The following SBF2 variants were observed in gnomAD, a reference collection of about 807,000 sequenced individuals.
SBF2 encodes the protein myotubularin-related protein 13.
Under a neutral mutation model 225.2 loss-of-function variants are expected in SBF2, and 112 were observed. That is an observed-to-expected ratio of 0.50 (90% CI 0.43 to 0.58). The LOEUF is 0.58. Ranked by LOEUF, SBF2 falls within the 20% of genes least tolerant of loss-of-function variation. SBF2 has a pLI of 0.00. For missense variants in SBF2, 1,996 were observed against 2,206.2 expected, an observed-to-expected ratio of 0.90 and a Z score of 1.91; for synonymous variants, 763 against 773.3, an observed-to-expected ratio of 0.99 and a Z score of 0.22.
chr11:10,038,597 T>C (rs1345287322), intron 3 of SBF2, among the ~76,000 whole-genome samples: 1 of 151,976 alleles, frequency 6.6e-6, no homozygotes. Context: ...TGGAATGGTT[T>C]TGTACTTAAG....
intron 17 of SBF2, among the ~76,000 whole-genome samples, chr11:9,879,398 G>T (rs773882843): frequency 9.2e-5 from 14 of 151,804 alleles, no homozygotes; most frequent in Admixed American, 2.0e-4. Flanking sequence ...CCTATCTTCA[G>T]GCTACAAAGT....
intron 26 of SBF2, among the ~76,000 whole-genome samples, chr11:9,835,860 T>C (rs1001221038): frequency 2.6e-5 from 4 of 152,098 alleles, no homozygotes; most frequent in Non-Finnish European, 5.9e-5. Context: ...TTATCTATTC[T>C]CTTGTTGATT....
At chr11:9,967,971 C>CTCTCTATATATATATA (rs1260685462) in intron 14 of SBF2, among the ~76,000 whole-genome samples, 3 of 91,506 alleles carry the variant, frequency 3.3e-5, no homozygotes, top group African/African-American at 1.1e-4. Flanking sequence ...CTCTCTCTCT[C>CTCTCTATATATATATA]TATATATATA....
intron 2 of SBF2, among the ~76,000 whole-genome samples, chr11:10,050,083 A>G (rs190230900): frequency 6.6e-6 from 1 of 152,336 alleles, no homozygotes; most frequent in Non-Finnish European, 1.5e-5. Context: ...TTCTCATAGA[A>G]GTCTGTCATT....
intron 17 of SBF2, among the ~76,000 whole-genome samples, chr11:9,888,421 T>A (rs933407054): frequency 1.6e-4 from 25 of 151,762 alleles, no homozygotes; most frequent in African/African-American, 6.1e-4. Flanking sequence ...GGAGGATTGC[T>A]TAAGCCCAGG....
intron 17 of SBF2, among the ~76,000 whole-genome samples, chr11:9,884,796 A>C (rs1442998834): frequency 1.3e-5 from 2 of 152,146 alleles, no homozygotes; most frequent in Non-Finnish European, 2.9e-5. Context: ...TAAATTAGTC[A>C]CTCTTCTCCA....
At chr11:10,069,117 T>A (rs1950749926) in intron 2 of SBF2, among the ~76,000 whole-genome samples, 1 of 152,176 alleles carries the variant, frequency 6.6e-6, no homozygotes, top group African/African-American at 2.4e-5. Context: ...TTACCCTTAT[T>A]TAGATACACT....
Position 9,842,774 on chromosome 11 carries a change from C to A in SBF2, c.3111-4G>T. On this transcript the variant is annotated splice_polypyrimidine_tract_variant and splice_region_variant and intron_variant, in intron 24 of 39. Transcript: ENST00000256190. ...CACAATTGTTTTTGAGAAGGTACTA[C>A]AAGTCATAAAACCAAAGAGAATGTC... The A allele has an allele frequency of 6.2e-7, 1 of 1,613,996 alleles. No homozygotes were observed. The highest frequency in any genetic ancestry group is 1.1e-5 in the South Asian group (1 of 91,074).
At chr11:10,281,400 G>A (rs934289588) in intron 1 of SBF2, among the ~76,000 whole-genome samples, 22 of 152,144 alleles carry the variant, frequency 1.4e-4, no homozygotes, top group African/African-American at 5.3e-4. Context: ...ACACTTATAG[G>A]ATACTGCATT....
At chr11:10,105,523 G>C (rs1300194639) in intron 2 of SBF2, among the ~76,000 whole-genome samples, 1 of 152,138 alleles carries the variant, frequency 6.6e-6, no homozygotes, top group Non-Finnish European at 1.5e-5. Flanking sequence ...TGTAAACATG[G>C]TATCACTACA....
intron 17 of SBF2, among the ~76,000 whole-genome samples, chr11:9,882,618 C>T (rs895721262): frequency 4.6e-5 from 7 of 151,950 alleles, no homozygotes; most frequent in Non-Finnish European, 1.0e-4. Context: ...ACCATCCTGG[C>T]TAACACGGTG....
chr11:10,068,428 G>A (rs1261654217), intron 2 of SBF2, among the ~76,000 whole-genome samples: 2 of 152,222 alleles, frequency 1.3e-5, no homozygotes, highest in African/African-American at 4.8e-5. Flanking sequence ...TAGAAATACT[G>A]TTTTCCTATT....
rs116432052 is a variant in SBF2, at chr11:9,792,901, C to T, written c.4571-2218G>A. Among the ~76,000 whole-genome samples the T allele has an allele frequency of 7.3e-3, 1,098 of 150,388 alleles. 13 individuals are homozygous for T. Among genetic ancestry groups the T allele is most frequent in the African/African-American group, 0.025 (1,035 of 40,924 alleles). On this transcript the variant is annotated intron_variant, in intron 33 of 39. Coordinates refer to ENST00000256190, the MANE Select transcript of SBF2 (RefSeq NM_030962.4). The stretch of plus-strand genomic sequence containing the variant: ...CTGAACAGCTGCAACTACAGGAGTG[C>T]GCCACCACACCCAGCTAATTTGTGT...
intron 38 of SBF2, among the ~76,000 whole-genome samples, chr11:9,784,047 AG>A (rs1353411400): frequency 6.6e-6 from 1 of 152,176 alleles, no homozygotes; most frequent in East Asian, 1.9e-4. Context: ...CTGGGTGTTA[AG>A]ATCAGGCAGC....
intron 1 of SBF2, among the ~76,000 whole-genome samples, chr11:10,225,954 T>G (rs1360499670): frequency 6.6e-6 from 1 of 152,176 alleles, no homozygotes; most frequent in African/African-American, 2.4e-5. Context: ...ATTCATGCCT[T>G]TTAAACCAGG....
chr11:10,172,403 A>G (rs569245903), intron 2 of SBF2, among the ~76,000 whole-genome samples: 15 of 152,100 alleles, frequency 9.9e-5, no homozygotes, highest in Non-Finnish European at 2.1e-4. Flanking sequence ...CCCAGGATGA[A>G]GCACAATGGC....
intron 17 of SBF2, among the ~76,000 whole-genome samples, chr11:9,891,150 A>T (rs1449833716): frequency 6.6e-6 from 1 of 151,896 alleles, no homozygotes; most frequent in Non-Finnish European, 1.5e-5. Context: ...AAAAAAAAAA[A>T]GTTAAATGGT....
chr11:9,974,986 AAAG>A (rs1946620376), intron 13 of SBF2, among the ~76,000 whole-genome samples: 1 of 79,854 alleles, frequency 1.3e-5, no homozygotes, highest in Admixed American at 1.7e-4. Context: ...AAAAAAAAAA[AAAG>A]AAAAAAAGAA....
At chr11:9,860,686 T>C (rs1386135815) in intron 17 of SBF2, among the ~76,000 whole-genome samples, 1 of 152,186 alleles carries the variant, frequency 6.6e-6, no homozygotes. Flanking sequence ...AATTCTCAAC[T>C]GCCTTTACCA....
Sources: gnomAD v4.1 joint callset for allele counts (sites outside exome capture counted in the v4.1 genomes callset) on GRCh38, gnomAD v4.1.1 for gene constraint, MANE v1.5 for transcripts, NCBI Gene and HGNC (gene_info 2026-07-23, HGNC 2026-07-21) for gene names.